GRB14: variants seen among roughly 807,000 people sequenced by gnomAD.
The protein encoded by GRB14 is growth factor receptor-bound protein 14.
Under a neutral mutation model 69.1 loss-of-function variants are expected in GRB14, and 38 were observed. The observed-to-expected ratio is 0.55, with a 90% CI of 0.42 to 0.72. The LOEUF (loss-of-function observed/expected upper bound fraction) is 0.72, where lower values mean the gene tolerates loss of function less well. Ranked by LOEUF, GRB14 falls within the 30% of genes least tolerant of loss-of-function variation. The probability of loss-of-function intolerance (pLI) is 0.00; values close to 1 mark genes in which losing one functional copy is unlikely to be tolerated. For synonymous variants in GRB14, 247 were observed against 241.3 expected, an observed-to-expected ratio of 1.02 and a Z score of -0.22; for missense variants, 666 against 666.1, an observed-to-expected ratio of 1.00 and a Z score of 0.00.
At chr2:164,501,129 T>C (rs564845074) in intron 9 of GRB14, among the ~76,000 whole-genome samples, 2 of 152,084 alleles carry the variant, frequency 1.3e-5, no homozygotes, top group Non-Finnish European at 2.9e-5. Context: ...CTTAACATGA[T>C]TGCTTTTATA....
chr2:164,528,567 A>G (rs1687841314), intron 3 of GRB14, among the ~76,000 whole-genome samples: 1 of 152,126 alleles, frequency 6.6e-6, no homozygotes, highest in South Asian at 2.1e-4. Context: ...TTCAATGAAT[A>G]TGGATGAGTT....
At chr2:164,577,261 C>G (rs1175688617) in intron 2 of GRB14, among the ~76,000 whole-genome samples, 1 of 152,182 alleles carries the variant, frequency 6.6e-6, no homozygotes, top group Non-Finnish European at 1.5e-5. Flanking sequence ...CCAAGAAAGG[C>G]AGACAAACAA....
At chr2:164,555,421 A>G (rs1159120872) in intron 2 of GRB14, among the ~76,000 whole-genome samples, 3 of 152,164 alleles carry the variant, frequency 2.0e-5, no homozygotes, top group African/African-American at 7.2e-5. Context: ...ATGAGCATGG[A>G]TTAAACATAA....
chr2:164,511,384 G>C (rs903827168), intron 6 of GRB14, among the ~76,000 whole-genome samples: 1 of 152,178 alleles, frequency 6.6e-6, no homozygotes, highest in Non-Finnish European at 1.5e-5. Context: ...AGAGGGAAGA[G>C]TAAAGAGGAT....
At chr2:164,578,061 T>G (rs951314862) in intron 2 of GRB14, among the ~76,000 whole-genome samples, 1 of 152,028 alleles carries the variant, frequency 6.6e-6, no homozygotes, top group African/African-American at 2.4e-5. Flanking sequence ...GGTGAAACCC[T>G]GTATCTACTA....
intron 2 of GRB14, among the ~76,000 whole-genome samples, chr2:164,566,510 A>G (rs1353622150): frequency 6.6e-6 from 1 of 152,162 alleles, no homozygotes; most frequent in Non-Finnish European, 1.5e-5. Context: ...TATTATTAAA[A>G]TACCACGATA....
intron 2 of GRB14, among the ~76,000 whole-genome samples, chr2:164,594,943 C>A (rs973716460): frequency 2.6e-5 from 4 of 152,172 alleles, no homozygotes; most frequent in Non-Finnish European, 4.4e-5. Flanking sequence ...AAAGGTTCTT[C>A]ATGAAAATGG....
chr2:164,557,282 G>A (rs1464642881), intron 2 of GRB14, among the ~76,000 whole-genome samples: 3 of 152,122 alleles, frequency 2.0e-5, no homozygotes, highest in Non-Finnish European at 4.4e-5. Context: ...CCTGAGGAGG[G>A]GGTGCCTTCA....
At position 164,564,971 on chromosome 2, in the gene GRB14, C is replaced by T. The variant is rs552221740; in HGVS notation, c.325-17155G>A. 7.2e-5 allele frequency among the ~76,000 whole-genome samples: 11 copies of T among 152,098 alleles called. No individual in the cohort carries two copies. The East Asian group carries it at 1.9e-3, about 27-fold the overall frequency. ...CAGAGGTTGCAGTGAGCCAAGATGG[C>T]GCCACTGCACTCCAGCCTGGGTGAC... On this transcript the variant is annotated intron_variant, in intron 2 of 13. Transcript: ENST00000263915.
chr2:164,546,720 G>C (rs1462776041), intron 3 of GRB14, among the ~76,000 whole-genome samples: 1 of 152,136 alleles, frequency 6.6e-6, no homozygotes, highest in Non-Finnish European at 1.5e-5. Flanking sequence ...TTAATCATAG[G>C]AAGCATCGTG....
At chr2:164,574,476 T>A (rs1689200859) in intron 2 of GRB14, among the ~76,000 whole-genome samples, 1 of 151,966 alleles carries the variant, frequency 6.6e-6, no homozygotes, top group South Asian at 2.1e-4. Context: ...TTCGACCTGA[T>A]CCGCCCACCT....
chr2:164,537,949 G>A (rs1389412649), intron 3 of GRB14, among the ~76,000 whole-genome samples: 2 of 151,782 alleles, frequency 1.3e-5, no homozygotes, highest in Admixed American at 6.6e-5. Flanking sequence ...TGCACAGGAA[G>A]TCCAACTACA....
At chr2:164,514,467 T>C (rs1307274401) in intron 6 of GRB14, among the ~76,000 whole-genome samples, 1 of 152,020 alleles carries the variant, frequency 6.6e-6, no homozygotes, top group Non-Finnish European at 1.5e-5. Context: ...GGAGAAGGAT[T>C]TGACATTACC....
At chr2:164,616,913 A>G (rs1433125041) in intron 2 of GRB14, among the ~76,000 whole-genome samples, 2 of 152,152 alleles carry the variant, frequency 1.3e-5, no homozygotes, top group Admixed American at 6.5e-5. Flanking sequence ...CATCATCTCA[A>G]CTGAAGGTTA....
At chr2:164,617,982 CG>C (rs1393462640) in intron 2 of GRB14, among the ~76,000 whole-genome samples, 1 of 123,172 alleles carries the variant, frequency 8.1e-6, no homozygotes, top group Non-Finnish European at 1.7e-5. Context: ...GTAGTGTCAG[CG>C]GGGGACAGAT....
chr2:164,542,570 T>C (rs1182290850), intron 3 of GRB14, among the ~76,000 whole-genome samples: 2 of 152,106 alleles, frequency 1.3e-5, no homozygotes, highest in Non-Finnish European at 2.9e-5. Flanking sequence ...AACCCCATTA[T>C]AAAGTGGTGA....
intron 2 of GRB14, among the ~76,000 whole-genome samples, chr2:164,570,347 A>G (rs1689097927): frequency 6.6e-6 from 1 of 152,056 alleles, no homozygotes; most frequent in South Asian, 2.1e-4. Flanking sequence ...CATCATAATG[A>G]AAGTAATTCA....
intron 2 of GRB14, among the ~76,000 whole-genome samples, chr2:164,583,712 T>A (rs1005939821): frequency 1.3e-5 from 2 of 152,144 alleles, no homozygotes; most frequent in Non-Finnish European, 2.9e-5. Flanking sequence ...AACATAAAAC[T>A]GGTGGGACAA....
chr2:164,518,074 T>C (rs1687541678), intron 6 of GRB14, among the ~76,000 whole-genome samples: 1 of 152,314 alleles, frequency 6.6e-6, no homozygotes, highest in African/African-American at 2.4e-5. Flanking sequence ...TACATTCTAT[T>C]CATCAGCACA....
Sources: allele counts gnomAD v4.1 joint callset (sites outside exome capture counted in the v4.1 genomes callset), GRCh38; gene constraint gnomAD v4.1.1; transcripts MANE v1.5; gene names NCBI Gene and HGNC (gene_info 2026-07-23, HGNC 2026-07-21).